The following CACNA1A variants were observed in gnomAD, a reference collection of about 807,000 sequenced individuals.
The protein encoded by CACNA1A is voltage-dependent P/Q-type calcium channel subunit alpha-1A.
CACNA1A carries 57 observed loss-of-function variants against 262.4 expected under a neutral mutation model. The observed-to-expected ratio is 0.22, with a 90% CI of 0.18 to 0.27. The LOEUF (loss-of-function observed/expected upper bound fraction) is 0.27, where lower values mean the gene tolerates loss of function less well. Ranked by LOEUF, CACNA1A falls within the 10% of genes least tolerant of loss-of-function variation. The pLI is 1.00. For missense variants in CACNA1A, 2,526 were observed against 3,562.8 expected (o/e 0.71, Z 7.41); for synonymous variants, 1,431 against 1,419.3 (o/e 1.01, Z -0.18).
At chr19:13,262,673 C>T in intron 25 of CACNA1A, 61 bp downstream of exon 25, 1 of 1,017,268 alleles carries the variant, frequency 9.8e-7, no homozygotes, top group Admixed American at 1.9e-5. Context: ...ACAACCTGCT[C>T]AGCTGTACAT....
chr19:13,386,249 T>A (rs1191132563), intron 3 of CACNA1A, among the ~76,000 whole-genome samples: 6 of 151,720 alleles, frequency 4.0e-5, no homozygotes, highest in Non-Finnish European at 7.4e-5. Context: ...CCACCTCCCA[T>A]CAAAGAGGCA....
intron 37 of CACNA1A, 91 bp downstream of exon 37, chr19:13,227,340 G>C: frequency 1.8e-6 from 1 of 552,840 alleles, no homozygotes; most frequent in Non-Finnish European, 3.3e-6. Flanking sequence ...AGAGTCGGCC[G>C]GGTGTTTCTG....
At chr19:13,307,897 G>A (rs764403812) in intron 14 of CACNA1A, 43 bp from the exon 15 acceptor site, 3 of 1,565,130 alleles carry the variant, frequency 1.9e-6, no homozygotes, top group East Asian at 4.5e-5. Context: ...CCCACCCGGG[G>A]TGCTCTGAGG....
At chr19:13,349,056 A>C (rs2058852175) in intron 6 of CACNA1A, among the ~76,000 whole-genome samples, 1 of 150,966 alleles carries the variant, frequency 6.6e-6, no homozygotes, top group South Asian at 2.1e-4. Context: ...AGGGAAAAAG[A>C]AAGAGTCAGA....
chr19:13,216,320 G>A (rs758496538), intron 38 of CACNA1A, among the ~76,000 whole-genome samples: 1 of 152,082 alleles, frequency 6.6e-6, no homozygotes, highest in Non-Finnish European at 1.5e-5. Context: ...TGGGGCCAGA[G>A]CATTTATTAT....
chr19:13,390,180 G>A (rs180787792), intron 3 of CACNA1A, among the ~76,000 whole-genome samples: 30 of 151,416 alleles, frequency 2.0e-4, no homozygotes, highest in Non-Finnish European at 2.9e-4. Flanking sequence ...GCAGCGGTGC[G>A]CTCATAGTTC....
intron 3 of CACNA1A, among the ~76,000 whole-genome samples, chr19:13,380,566 A>G (rs1199866711): frequency 8.5e-5 from 12 of 140,888 alleles, no homozygotes; most frequent in African/African-American, 2.6e-4. Context: ...GAACTGCTTG[A>G]ACCCATGAGG....
intron 1 of CACNA1A, among the ~76,000 whole-genome samples, chr19:13,505,423 G>A (rs1399123315): frequency 1.3e-5 from 2 of 152,140 alleles, no homozygotes; most frequent in East Asian, 1.9e-4. Flanking sequence ...CTAAAAGTGC[G>A]GCGGCCCCCC....
In CACNA1A at chr19:13,275,913, C is replaced by T. The variant is rs1568485102; in HGVS notation, c.3926G>A (p.Arg1309His). The stretch of plus-strand genomic sequence containing the variant: ...GAAGTCGAGAATATTCCAGAGGTCA[C>T]GGAAGTAGGCACCCTGATGCAGGAC... ...GLVLHQGAYF[R>H]DLWNILDFIV... is the part of the protein sequence containing the mutation. Residue 1309 changes from arginine to histidine, a missense_variant, in exon 24 of 47, where the codon CGT becomes CAT. By Grantham distance (29) the Arg-to-His change is conservative. This residue lies in a region of CACNA1A where 137 missense variants were observed against 377.7 expected (regional missense o/e 0.36). Coordinates refer to ENST00000360228, the MANE Select transcript of CACNA1A (RefSeq NM_001127222.2). 2 of 1,613,824 alleles carry T rather than the reference C, an allele frequency of 1.2e-6. No individual in the cohort carries two copies. The highest frequency in any genetic ancestry group is 1.7e-6 in the Non-Finnish European group (2 of 1,179,768).
chr19:13,389,999 C>T (rs1403831229), intron 3 of CACNA1A, among the ~76,000 whole-genome samples: 9 of 149,564 alleles, frequency 6.0e-5, no homozygotes, highest in African/African-American at 1.5e-4. Flanking sequence ...ATTTTTAGTA[C>T]GGACGCGGTT....
At chr19:13,429,785 G>A (rs1352837891) in intron 3 of CACNA1A, among the ~76,000 whole-genome samples, 2 of 151,600 alleles carry the variant, frequency 1.3e-5, no homozygotes, top group Non-Finnish European at 1.5e-5. Context: ...GATTCGGCCT[G>A]GAAAAGAAGG....
chr19:13,281,256 T>G (rs184961461), intron 22 of CACNA1A, among the ~76,000 whole-genome samples: 3 of 151,714 alleles, frequency 2.0e-5, no homozygotes, highest in Admixed American at 2.0e-4. Flanking sequence ...TGCATGCCTG[T>G]GGTCCTAGCT....
intron 43 of CACNA1A, 184 bp from the exon 44 acceptor site, chr19:13,210,836 G>A: frequency 1.5e-6 from 1 of 677,382 alleles, no homozygotes; most frequent in Non-Finnish European, 2.6e-6. Context: ...GTCCTGGCGG[G>A]TGGGTGTCCC....
At chr19:13,260,958 T>A (rs1281598326) in intron 26 of CACNA1A, 1 of 152,574 alleles carries the variant, frequency 6.6e-6, no homozygotes, top group Non-Finnish European at 1.5e-5. Flanking sequence ...GCCTCTTACC[T>A]AACTTATTTG....
intron 6 of CACNA1A, among the ~76,000 whole-genome samples, chr19:13,352,279 T>C (rs62109120): frequency 0.1 from 15,561 of 151,850 alleles, 926 homozygotes; most frequent in Admixed American, 0.17. Flanking sequence ...TGCTGGTGCA[T>C]GCCTATAGTC....
chr19:13,282,950 T>C (rs765553350), intron 22 of CACNA1A, among the ~76,000 whole-genome samples: 8 of 152,128 alleles, frequency 5.3e-5, no homozygotes, highest in Non-Finnish European at 1.0e-4. Context: ...GTAACCCCCC[T>C]ATTCCATGTA....
intron 20 of CACNA1A, 40 bp downstream of exon 20, chr19:13,286,463 C>T (rs753811539): frequency 1.1e-5 from 12 of 1,046,910 alleles, no homozygotes; most frequent in African/African-American, 1.6e-5. Context: ...CCAGGGACGC[C>T]AGGTCCCCTG....
intron 37 of CACNA1A, chr19:13,225,190 G>C (rs1170797194): frequency 5.9e-6 from 1 of 170,642 alleles, no homozygotes; most frequent in Non-Finnish European, 1.3e-5. Context: ...ACAGCCGCTG[G>C]TGGGGGGTGC....
Position 13,207,800 on chromosome 19 carries a change from G to A in CACNA1A, c.7034C>T (p.Thr2345Met), listed in dbSNP as rs1232676269. The A allele has an allele frequency of 1.1e-5, 15 of 1,422,060 alleles. No individual in the cohort carries two copies. The highest frequency in any genetic ancestry group is 1.4e-5 in the Non-Finnish European group (15 of 1,095,902). 88.1% of individuals were successfully genotyped at this position (1,422,060 alleles called of 1,614,324 possible). The change falls in exon 47 of 47, where the codon ACG becomes ATG. Residue 2345 changes from threonine to methionine, a missense_variant. Physicochemically the swap from Thr to Met is moderately conservative, Grantham distance 81. Coordinates refer to ENST00000360228, the MANE Select transcript of CACNA1A (RefSeq NM_001127222.2). This position sits in a 1 kb window ranked among gnomAD's most constrained non-coding sequence, Gnocchi z 5.7. ...CCGATCTCCGGCCAGAGGCTCGGCC[G>A]TGGGGCCTGGGTACCTCCGAGGGCC... ...TSGPRRYPGPTAEPLAGDRPP... is the reference protein window; with the variant it reads ...TSGPRRYPGPMAEPLAGDRPP...
Sources: gnomAD v4.1 joint callset for allele counts (sites outside exome capture counted in the v4.1 genomes callset) on GRCh38, gnomAD v4.1.1 for gene constraint, gnomAD v4.1.1 regional missense constraint, Gnocchi (gnomAD v3.1) non-coding constraint, MANE v1.5 for transcripts, NCBI Gene and HGNC (gene_info 2026-07-23, HGNC 2026-07-21) for gene names.